Variants in ZNF280B observed in about 807,000 individuals in gnomAD.
ZNF280B encodes suppressor of hairy wing homolog 2.
A neutral mutation model predicts 38.0 loss-of-function variants in ZNF280B; 16 were observed. The ratio of observed to expected loss-of-function variants is 0.42; its 90% CI spans 0.28 to 0.64. ZNF280B has a LOEUF of 0.64. Among genes scored for constraint, ZNF280B ranks in the 30% least tolerant of loss-of-function variants. The pLI, the probability that ZNF280B is intolerant of heterozygous loss-of-function variation, is 0.21. For missense variants in ZNF280B, 581 were observed against 639.6 expected, an observed-to-expected ratio of 0.91 and a Z score of 0.99; for synonymous variants, 253 against 230.6, an observed-to-expected ratio of 1.10 and a Z score of -0.88.
intron 3 of ZNF280B, among the ~76,000 whole-genome samples, chr22:22,489,796 A>C (rs946651708): frequency 1.3e-5 from 2 of 151,970 alleles, no homozygotes; most frequent in African/African-American, 4.8e-5. Context: ...GTTGAAGAGT[A>C]AGCTGGAATC....
At chr22:22,495,816 G>A (rs990658282) in intron 2 of ZNF280B, among the ~76,000 whole-genome samples, 6 of 150,512 alleles carry the variant, frequency 4.0e-5, no homozygotes, top group Non-Finnish European at 8.9e-5. Context: ...TAATTGAGAC[G>A]GAGTCTTGCT....
chr22:22,504,124 A>T (rs544868954), intron 2 of ZNF280B, among the ~76,000 whole-genome samples: 3 of 152,122 alleles, frequency 2.0e-5, no homozygotes, highest in Non-Finnish European at 4.4e-5. Flanking sequence ...GAAGCTAACA[A>T]AGAATAAGAT....
At chr22:22,505,448 C>T (rs1045666447) in intron 2 of ZNF280B, among the ~76,000 whole-genome samples, 1 of 151,880 alleles carries the variant, frequency 6.6e-6, no homozygotes, top group African/African-American at 2.4e-5. Flanking sequence ...TGCCTGTAGT[C>T]CCAGCTACTC....
chr22:22,498,289 C>T (rs74794105), intron 2 of ZNF280B, among the ~76,000 whole-genome samples: 2,782 of 151,868 alleles, frequency 0.018, 98 homozygotes, highest in African/African-American at 0.064. Context: ...AGGCAGCACA[C>T]GTACAATATT....
chr22:22,496,934 T>C (rs1218858763), intron 2 of ZNF280B, among the ~76,000 whole-genome samples: 14 of 151,114 alleles, frequency 9.3e-5, no homozygotes, highest in Admixed American at 6.6e-4. Context: ...TCTCCTGTCT[T>C]GGCCTCCCAA....
chr22:22,503,342 A>C (rs892325228), intron 2 of ZNF280B, among the ~76,000 whole-genome samples: 1 of 151,962 alleles, frequency 6.6e-6, no homozygotes, highest in African/African-American at 2.4e-5. Flanking sequence ...TAATACTAAA[A>C]ACCATTCAAT....
chr22:22,492,835 A>G (rs1191536411), intron 3 of ZNF280B, among the ~76,000 whole-genome samples: 1 of 151,268 alleles, frequency 6.6e-6, no homozygotes, highest in African/African-American at 2.4e-5. Flanking sequence ...GCAGTAAGCC[A>G]AGACCACGTC....
rs71199481 is a variant in ZNF280B at position 22,487,447 on chromosome 22, TAA to T, written c.*318_*319del. 49 of 66,788 alleles carry T rather than the reference TAA, an allele frequency of 7.3e-4. No individual in the cohort carries two copies. The highest frequency in any genetic ancestry group is 1.5e-3 in the South Asian group (4 of 2,602). 4.1% of individuals were successfully genotyped at this position (66,788 alleles called of 1,614,324 possible). ...TAACAGTGAGACCCTGTCTCTAAAG[TAA>T]AAAAAAAAAAAAAAAAAAAAAAAAA... On this transcript the variant is annotated 3_prime_UTR_variant, in exon 4 of 4. Transcript: ENST00000626650.
intron 2 of ZNF280B, among the ~76,000 whole-genome samples, chr22:22,501,580 T>A (rs964615380): frequency 6.6e-6 from 1 of 151,090 alleles, no homozygotes; most frequent in African/African-American, 2.4e-5. Context: ...TAAAATAAAA[T>A]AAAAAATAAA....
rs1209179960 is a variant in ZNF280B at position 22,488,102 on chromosome 22, G to C, written c.1297C>G (p.Leu433Val). The C allele has an allele frequency of 3.1e-6, 5 of 1,613,914 alleles. No individual in the cohort carries two copies. The highest frequency in any genetic ancestry group is 4.2e-6 in the Non-Finnish European group (5 of 1,179,960). ...AAAATTTTGAGACAAAAGGGACAAA[G>C]CAAATTCTTTGTGTTTTCATGGCAC... ...RTCHENTKNL[L>V]CPFCLKIFKT... Residue 433 changes from leucine to valine, a missense_variant, in exon 4 of 4, where the codon CTT (leucine) becomes GTT (valine). Leu to Val is a conservative substitution (Grantham distance 32, BLOSUM62 1). Transcript: ENST00000626650.
In ZNF280B at chr22:22,505,059, TCA is replaced by T. The variant is rs144654148; in HGVS notation, c.-187+2749_-187+2750del. Among the ~76,000 whole-genome samples, 947 of 152,012 alleles carry T rather than the reference TCA, an allele frequency of 6.2e-3. 15 individuals carry two copies. Among genetic ancestry groups the T allele is most frequent in the African/African-American group, 0.022 (906 of 41,466 alleles). On this transcript the variant is annotated intron_variant, in intron 2 of 3. Coordinates refer to ENST00000626650, the MANE Select transcript of ZNF280B (RefSeq NM_080764.4). ...GTAGGAAATGGAGGCAGGTTGATAC[TCA>T]CATAACATGAATATGGCTATCTGGG...
intron 2 of ZNF280B, among the ~76,000 whole-genome samples, chr22:22,503,215 A>G (rs2061860584): frequency 6.6e-6 from 1 of 152,006 alleles, no homozygotes; most frequent in African/African-American, 2.4e-5. Flanking sequence ...AATTTGTTAT[A>G]GCAGCTATGG....
At chr22:22,497,289 G>T (rs1245433594) in intron 2 of ZNF280B, among the ~76,000 whole-genome samples, 2 of 146,232 alleles carry the variant, frequency 1.4e-5, no homozygotes, top group Non-Finnish European at 3.0e-5. Flanking sequence ...CCAGCACTTT[G>T]GGAGGCCGAG....
chr22:22,502,200 T>G (rs2061839999), intron 2 of ZNF280B, among the ~76,000 whole-genome samples: 1 of 151,968 alleles, frequency 6.6e-6, no homozygotes, highest in African/African-American at 2.4e-5. Context: ...AAGCAGCACA[T>G]GAAATGCTGC....
chr22:22,497,973 G>A (rs1284274461), intron 2 of ZNF280B, among the ~76,000 whole-genome samples: 1 of 151,884 alleles, frequency 6.6e-6, no homozygotes, highest in Non-Finnish European at 1.5e-5. Flanking sequence ...ATCAATGGAT[G>A]AATGGATAAA....
chr22:22,502,425 A>G (rs1297816918), intron 2 of ZNF280B, among the ~76,000 whole-genome samples: 1 of 151,984 alleles, frequency 6.6e-6, no homozygotes, highest in Non-Finnish European at 1.5e-5. Flanking sequence ...ATGACCCAAC[A>G]ATATCACTCC....
At chr22:22,494,978 G>A (rs559701222) in intron 2 of ZNF280B, among the ~76,000 whole-genome samples, 5 of 151,932 alleles carry the variant, frequency 3.3e-5, no homozygotes, top group East Asian at 3.9e-4. Context: ...TGCCTGCGTC[G>A]GCCTCCCAAA....
At chr22:22,502,812 A>G (rs560003133) in intron 2 of ZNF280B, among the ~76,000 whole-genome samples, 44 of 152,110 alleles carry the variant, frequency 2.9e-4, no homozygotes, top group Non-Finnish European at 4.7e-4. Flanking sequence ...ATGGCCCCCA[A>G]AATATCAGGT....
Position 22,487,943 on chromosome 22 carries a change from A to G in ZNF280B, c.1456T>C (p.Phe486Leu), listed in dbSNP as rs1379888769. The G allele has an allele frequency of 1.2e-6, 2 of 1,613,718 alleles. No individual in the cohort carries two copies. The highest frequency in any genetic ancestry group is 1.7e-6 in the Non-Finnish European group (2 of 1,179,932). Residue 486 changes from phenylalanine (F) to leucine (L), a missense_variant, in exon 4 of 4, where the codon TTT becomes CTT. Transcript: ENST00000626650. ...CCTTCTAGTTGCTTAGGCTTCTTAA[A>G]CATTTGATGACACTGGGTCTTGTGC... ...MEHKTQCHQM[F>L]KKPKQLEGLP...
Sources: gnomAD v4.1 joint callset for allele counts (sites outside exome capture counted in the v4.1 genomes callset) on GRCh38, gnomAD v4.1.1 for gene constraint, MANE v1.5 for transcripts, NCBI Gene and HGNC (gene_info 2026-07-23, HGNC 2026-07-21) for gene names.